The following DNPEP variants were observed in gnomAD, a reference collection of about 807,000 sequenced individuals.
DNPEP encodes aspartyl aminopeptidase.
Under a neutral mutation model 59.1 loss-of-function variants are expected in DNPEP, and 46 were observed. That is an observed-to-expected ratio of 0.78 (90% CI 0.61 to 0.99). The LOEUF (loss-of-function observed/expected upper bound fraction) is 0.99, where lower values mean the gene tolerates loss of function less well. DNPEP is among the 50% of genes least tolerant of loss of function. The probability of loss-of-function intolerance (pLI) is 0.00; values close to 1 mark genes in which losing one functional copy is unlikely to be tolerated. For synonymous variants in DNPEP, 229 were observed against 242.2 expected (o/e 0.95, Z 0.50); for missense variants, 617 against 649.9 (o/e 0.95, Z 0.55).
intron 1 of DNPEP, chr2:219,399,392 C>T (rs925100249): frequency 2.0e-5 from 9 of 456,018 alleles, no homozygotes; most frequent in Non-Finnish European, 3.1e-5. Context: ...GTTTAGGGTG[C>T]GAATCCCCCG....
At chr2:219,390,445 G>A (rs1953998183), upstream of DNPEP, among the ~76,000 whole-genome samples, 1 of 151,520 alleles carries the variant, frequency 6.6e-6, no homozygotes, top group Non-Finnish European at 1.5e-5. Context: ...TTTTGGTTTG[G>A]GTAAAAAAGA....
At chr2:219,394,329 G>A (rs1040439500) in intron 1 of DNPEP, among the ~76,000 whole-genome samples, 8 of 152,068 alleles carry the variant, frequency 5.3e-5, no homozygotes, top group African/African-American at 1.7e-4. Flanking sequence ...TGCTCTCCTG[G>A]GAACACTCTC....
In DNPEP at chr2:219,373,779, G is replaced by A. The variant is rs909617081; in HGVS notation, c.*513C>T. The A allele has an allele frequency of 5.6e-5, 9 of 160,000 alleles. No individual in the cohort carries two copies. Among genetic ancestry groups the A allele is most frequent in the African/African-American group, 2.2e-4 (9 of 41,706 alleles). 9.9% of individuals were successfully genotyped at this position (160,000 alleles called of 1,614,324 possible). A position where few individuals can be genotyped will look rare whatever the true frequency, so the allele number is the denominator to read the frequency against. On this transcript the variant is annotated 3_prime_UTR_variant, in exon 15 of 15. Coordinates refer to ENST00000273075, the MANE Select transcript of DNPEP (RefSeq NM_012100.4). ...GGATGATGAAGGGTGATAAGGTATA[G>A]ACTGTGCCCTTCTCTTTGCAGCTCC...
Position 219,372,597 on chromosome 2 carries a change from C to T in DNPEP, c.*1695G>A, listed in dbSNP as rs570082882. Reference sequence around the variant, plus strand: ...GGCCAGGCTGGTTTTGAACTCCTGACCTCAAGTGATCTGCCCACCTCGGCC... The same window carrying T: ...GGCCAGGCTGGTTTTGAACTCCTGATCTCAAGTGATCTGCCCACCTCGGCC... On this transcript the variant is annotated 3_prime_UTR_variant, in exon 15 of 15. Transcript: ENST00000273075. Among the ~76,000 whole-genome samples the T allele has an allele frequency of 5.3e-5, 8 of 152,134 alleles. No homozygotes were observed. The South Asian group carries it at 1.0e-3, about 20-fold the overall frequency.
intron 1 of DNPEP, among the ~76,000 whole-genome samples, chr2:219,397,553 T>G (rs914952712): frequency 1.3e-5 from 2 of 152,086 alleles, no homozygotes; most frequent in African/African-American, 4.8e-5. Flanking sequence ...GAGTTCAGAT[T>G]AAGACATTAC....
chr2:219,395,038 C>T (rs1323718638), intron 1 of DNPEP, among the ~76,000 whole-genome samples: 2 of 152,054 alleles, frequency 1.3e-5, no homozygotes, highest in Non-Finnish European at 2.9e-5. Flanking sequence ...TCACTGCAAC[C>T]TCCACCTCCT....
chr2:219,385,254 T>A, intron 8 of DNPEP, 170 bp downstream of exon 8: 3 of 580,934 alleles, frequency 5.2e-6, no homozygotes, highest in Non-Finnish European at 9.3e-6. Flanking sequence ...GGAACTTGTC[T>A]TTTTGAGAAC....
intron 1 of DNPEP, among the ~76,000 whole-genome samples, chr2:219,396,500 A>G (rs1041572962): frequency 2.0e-5 from 3 of 152,056 alleles, no homozygotes; most frequent in African/African-American, 7.2e-5. Flanking sequence ...AGGCAGGAGA[A>G]TCGCATGAAC....
At chr2:219,384,624 A>G in intron 8 of DNPEP, 181 bp from the exon 9 acceptor site, 1 of 503,666 alleles carries the variant, frequency 2.0e-6, no homozygotes, top group African/African-American at 2.0e-5. Context: ...TCTGAAGTGC[A>G]ATGGCTCGAT....
Position 219,387,869 on chromosome 2 carries a change from G to A in DNPEP, c.-75C>T, listed in dbSNP as rs1214886713. 4.8e-6 allele frequency: 7 copies of A among 1,459,642 alleles called. No homozygotes were observed. In the East Asian group the frequency reaches 8.3e-5, roughly 17 times the overall value. The allele number at this position is 1,459,642 out of a possible 1,614,324, so 90.4% of individuals were successfully genotyped here. ...CACTAGCTTTGCAGGTCCCCCGCGT[G>A]CCCCTTCAGGCCGCGCCGCACTCGT... is the stretch of plus-strand genomic sequence containing the variant. On this transcript the variant is annotated 5_prime_UTR_variant, in exon 1 of 15. Coordinates refer to ENST00000273075, the MANE Select transcript of DNPEP (RefSeq NM_012100.4).
At chr2:219,387,291 C>T in intron 1 of DNPEP, 128 bp from the exon 2 acceptor site, 1 of 1,415,400 alleles carries the variant, frequency 7.1e-7, no homozygotes, top group South Asian at 1.6e-5. Flanking sequence ...TGCTTCCGCC[C>T]GTCCCCACCG....
At chr2:219,374,760 A>G (rs911766347) in intron 14 of DNPEP, 95 bp downstream of exon 14, 19 of 1,432,180 alleles carry the variant, frequency 1.3e-5, no homozygotes, top group African/African-American at 1.3e-4. Context: ...TACTCAGGCC[A>G]GTCACTTTGT....
intron 13 of DNPEP, among the ~76,000 whole-genome samples, chr2:219,375,636 G>A (rs759030061): frequency 1.3e-5 from 2 of 151,926 alleles, no homozygotes; most frequent in Non-Finnish European, 2.9e-5. Context: ...ATCTCAGCTC[G>A]CTGCAACCTC....
At position 219,386,317 on chromosome 2, in the gene DNPEP, T is replaced by C; in HGVS notation, c.428A>G (p.Asp143Gly). The C allele has an allele frequency of 6.2e-7, 1 of 1,614,176 alleles. No homozygotes were observed. Among genetic ancestry groups the C allele is most frequent in the Non-Finnish European group, 8.5e-7 (1 of 1,180,024 alleles). ...GGIWSTWFDR[D>G]LTLAGRVIVK... is the part of the protein sequence containing the mutation. ...AATGACGCGTCCAGCCAGAGTCAGG[T>C]CACGGTCAAACCAGGTGCTCCAGAT... The change falls in exon 5 of 15, where the codon GAC (aspartate) becomes GGC (glycine). Residue 143 changes from aspartate (D) to glycine (G), a missense_variant. Physicochemically the swap from Asp to Gly is moderately conservative, Grantham distance 94 (BLOSUM62 -1). Transcript: ENST00000273075.
chr2:219,388,966 C>T (rs568979808), upstream of DNPEP: 134 of 731,804 alleles, frequency 1.8e-4, no homozygotes, highest in Non-Finnish European at 2.0e-4. Context: ...GGGGTTTGAA[C>T]TCCATCAGTT....
intron 8 of DNPEP, chr2:219,384,662 G>A (rs567800286): frequency 2.6e-5 from 11 of 419,348 alleles, no homozygotes; most frequent in East Asian, 5.0e-5. Flanking sequence ...TCCGCCTCCC[G>A]GGTTCAAAGG....
chr2:219,385,253 C>G (rs1953760456), intron 8 of DNPEP, 171 bp downstream of exon 8: 1 of 580,350 alleles, frequency 1.7e-6, no homozygotes, highest in Admixed American at 3.0e-5. Flanking sequence ...GGGAACTTGT[C>G]TTTTTGAGAA....
intron 10 of DNPEP, among the ~76,000 whole-genome samples, chr2:219,382,876 G>A (rs1953657033): frequency 6.6e-6 from 1 of 152,200 alleles, no homozygotes; most frequent in South Asian, 2.1e-4. Flanking sequence ...CTACGAGGAT[G>A]GGCTGGGTAG....
chr2:219,381,831 G>T, intron 11 of DNPEP, 148 bp downstream of exon 11: 3 of 1,007,666 alleles, frequency 3.0e-6, no homozygotes, highest in Non-Finnish European at 4.4e-6. Context: ...AGTTGGTCTC[G>T]CAGTAGTGAA....
Sources: gnomAD v4.1 joint callset for allele counts (sites outside exome capture counted in the v4.1 genomes callset) on GRCh38, gnomAD v4.1.1 for gene constraint, MANE v1.5 for transcripts, NCBI Gene and HGNC (gene_info 2026-07-23, HGNC 2026-07-21) for gene names.